Variants in TMEM74B observed in about 807,000 individuals in gnomAD.
TMEM74B encodes the protein transmembrane protein C20orf46.
Under a neutral mutation model 6.5 loss-of-function variants are expected in TMEM74B, and 7 were observed. The observed-to-expected ratio is 1.07, with a 90% CI of 0.61 to 2.01. TMEM74B has a LOEUF of 2.01. Among genes scored for constraint, TMEM74B ranks in the 30% most tolerant of loss-of-function variants. The pLI is 0.00. For synonymous variants in TMEM74B, 151 were observed against 151.6 expected (o/e 1.00, Z 0.03); for missense variants, 342 against 337.0 (o/e 1.01, Z -0.12).
chr20:1,188,690 G>A (rs1197264874), upstream of TMEM74B, among the ~76,000 whole-genome samples: 1 of 151,952 alleles, frequency 6.6e-6, no homozygotes, highest in African/African-American at 2.4e-5. Flanking sequence ...ACAAATGGTG[G>A]GGGTAGGAGC....
At chr20:1,189,005 G>T (rs997982882), upstream of TMEM74B, among the ~76,000 whole-genome samples, 18 of 149,062 alleles carry the variant, frequency 1.2e-4, no homozygotes, top group East Asian at 3.2e-3. This position sits in a 1 kb window ranked among gnomAD's most constrained non-coding sequence, Gnocchi z 4.5. Flanking sequence ...GGGGGCGGGG[G>T]CAGGTGGGAA....
At chr20:1,185,591 G>A (rs941143021), upstream of TMEM74B, among the ~76,000 whole-genome samples, 2 of 151,978 alleles carry the variant, frequency 1.3e-5, no homozygotes, top group African/African-American at 4.8e-5. Context: ...GGGCTGGGGC[G>A]AGGGTGCGGG....
chr20:1,183,282 T>C (rs1161288486), intron 2 of TMEM74B, among the ~76,000 whole-genome samples: 2 of 137,268 alleles, frequency 1.5e-5, no homozygotes, highest in African/African-American at 5.5e-5. Flanking sequence ...TGCACTGTGG[T>C]TCGTTCTCTG....
rs781488286 is a variant in TMEM74B at position 1,180,996 on chromosome 20, C to T, written c.623G>A (p.Arg208Lys). 1.2e-5 allele frequency: 19 copies of T among 1,613,952 alleles called. No homozygotes were observed. The highest frequency in any genetic ancestry group is 3.3e-5 in the Admixed American group (2 of 60,006). ...GGAGCCCTTGCCGGGGACGAAGGTC[C>T]TCCGGCGGTACAGCTCGCCCTTGCA... is the stretch of plus-strand genomic sequence containing the variant. ...SLCKGELYRR[R>K]TFVPGKGSRK... Residue 208 changes from arginine to lysine, a missense_variant, in exon 3 of 3, where the codon AGG becomes AAG. By Grantham distance (26) the Arg-to-Lys change is conservative (BLOSUM62 2). Transcript: ENST00000429036. The surrounding 1 kb of genome is among the most constrained non-coding windows in gnomAD (Gnocchi z 6.1).
chr20:1,182,952 T>C (rs1426438903), intron 2 of TMEM74B, among the ~76,000 whole-genome samples: 1 of 152,246 alleles, frequency 6.6e-6, no homozygotes, highest in African/African-American at 2.4e-5. Flanking sequence ...TCTGGCCACC[T>C]TAGGCCCCCG....
chr20:1,183,310 GTGTGTT>G (rs1490122018), intron 2 of TMEM74B, among the ~76,000 whole-genome samples: 6 of 144,222 alleles, frequency 4.2e-5, no homozygotes, highest in Non-Finnish European at 7.7e-5. Flanking sequence ...GTGTGTGTGT[GTGTGTT>G]TGTGTGTGTG....
In TMEM74B at chr20:1,183,851, A is replaced by C. The variant is rs1177147864; in HGVS notation, c.-50T>G. On this transcript the variant is annotated 5_prime_UTR_variant, in exon 2 of 3. An upstream start codon of the reference 5' UTR is lost. Transcript: ENST00000429036. Reference sequence around the variant, plus strand: ...TGCATCCCTCACTCATAGACTCTTCATTTTATCCAGCTGTTTATCAGCAAC... The same window carrying C: ...TGCATCCCTCACTCATAGACTCTTCCTTTTATCCAGCTGTTTATCAGCAAC... 2.5e-6 allele frequency: 4 copies of C among 1,608,586 alleles called. No individual in the cohort carries two copies. The East Asian group carries it at 9.0e-5, about 36-fold the overall frequency.
At chr20:1,183,551 A>G (rs2086935718) in intron 2 of TMEM74B, among the ~76,000 whole-genome samples, 1 of 151,996 alleles carries the variant, frequency 6.6e-6, no homozygotes, top group South Asian at 2.1e-4. Flanking sequence ...CTCTCTTTCC[A>G]GAGTCTCAAT....
Position 1,181,370 on chromosome 20 carries a change from G to A in TMEM74B, c.249C>T (p.Ser83=). Residue 83 remains serine, a synonymous_variant, in exon 3 of 3, where the codon AGC becomes AGT. Coordinates refer to ENST00000429036, the MANE Select transcript of TMEM74B (RefSeq NM_001304748.2). This position sits in a 1 kb window ranked among gnomAD's most constrained non-coding sequence, Gnocchi z 4.9. ...AGACACCCCCAGGGGGACTGGGTGA[G>A]CTGCCCAGTCTCGTGTTCCCAGGGT... is the stretch of plus-strand genomic sequence containing the variant. ...FQNPGNTRLG[S]SPSPPGGVSS... is the part of the protein sequence containing the mutation. 6.4e-7 allele frequency: 1 copy of A among 1,552,364 alleles called. No individual in the cohort carries two copies. Among genetic ancestry groups the A allele is most frequent in the Non-Finnish European group, 8.7e-7 (1 of 1,147,080 alleles).
chr20:1,183,290 C>CTGTGTGTG (rs142394583), intron 2 of TMEM74B, among the ~76,000 whole-genome samples: 31 of 149,316 alleles, frequency 2.1e-4, no homozygotes, highest in African/African-American at 6.2e-4. Context: ...GGTTCGTTCT[C>CTGTGTGTG]TGTGTGTGTG....
At chr20:1,188,473 A>G (rs886714249), upstream of TMEM74B, among the ~76,000 whole-genome samples, 12 of 149,482 alleles carry the variant, frequency 8.0e-5, no homozygotes, top group African/African-American at 3.0e-4. Context: ...CACACTACAC[A>G]TACACTACAC....
At chr20:1,188,445 T>C (rs1407208155), upstream of TMEM74B, among the ~76,000 whole-genome samples, 1 of 135,958 alleles carries the variant, frequency 7.4e-6, no homozygotes, top group Non-Finnish European at 1.6e-5. Context: ...CACACACACA[T>C]GCCACACACA....
intron 2 of TMEM74B, among the ~76,000 whole-genome samples, chr20:1,182,037 C>T (rs1473204681): frequency 6.6e-6 from 1 of 152,158 alleles, no homozygotes; most frequent in Non-Finnish European, 1.5e-5. Flanking sequence ...TGTGACCTCT[C>T]CAGATTCGGT....
chr20:1,185,387 G>C (rs901062638), upstream of TMEM74B: 2 of 151,380 alleles, frequency 1.3e-5, no homozygotes, highest in Admixed American at 6.6e-5. Flanking sequence ...CGAGGCGCAC[G>C]TACCTACTCG....
In TMEM74B at chr20:1,181,117, G is replaced by T. The variant is rs761291466; in HGVS notation, c.502C>A (p.Arg168Ser). The change falls in exon 3 of 3, where the codon CGC (arginine) becomes AGC (serine). Residue 168 changes from arginine (R) to serine (S), a missense_variant. Arg to Ser is a moderately radical substitution (Grantham distance 110, BLOSUM62 -1). Transcript: ENST00000429036. This position sits in a 1 kb window ranked among gnomAD's most constrained non-coding sequence, Gnocchi z 4.9. ...CACCTGTCCAGGTGGGAGCCTAGGC[G>T]GGCGTAGTACATCTCCAGTCGTTCC... The part of the protein sequence containing the change: ...EMERLEMYYA[R>S]LGSHLDRCII... The T allele has an allele frequency of 1.2e-5, 20 of 1,613,918 alleles. No homozygotes were observed. The Admixed American group carries it at 2.3e-4, about 19-fold the overall frequency.
chr20:1,184,004 T>C lies in TMEM74B; in HGVS notation c.-147-56A>G. Reference sequence around the variant, plus strand: ...GTGTTTGTTGGTTGGCTTTTTACTCTTAGCACCAAAAACATTTTCCTGAGT... The same window carrying C: ...GTGTTTGTTGGTTGGCTTTTTACTCCTAGCACCAAAAACATTTTCCTGAGT... On this transcript the variant is annotated intron_variant, in intron 1 of 2. Transcript: ENST00000429036. The surrounding 1 kb of genome is among the most constrained non-coding windows in gnomAD (Gnocchi z 6.0). The C allele has an allele frequency of 1.8e-6, 1 of 567,494 alleles. No homozygotes were observed. Among genetic ancestry groups the C allele is most frequent in the Non-Finnish European group, 3.1e-6 (1 of 326,148 alleles). The allele number at this position is 567,494 out of a possible 1,614,324, so 35.2% of individuals were successfully genotyped here. A position where few individuals can be genotyped will look rare whatever the true frequency, so the allele number is the denominator to read the frequency against.
Position 1,181,269 on chromosome 20 carries a change from C to T in TMEM74B, c.350G>A (p.Arg117His), listed in dbSNP as rs145635177. 1.5e-4 allele frequency: 234 copies of T among 1,613,786 alleles called. No individual in the cohort carries two copies. Among genetic ancestry groups the T allele is most frequent in the African/African-American group, 9.6e-4 (72 of 75,048 alleles). ...EEGPALEPVS[R>H]PVDYGFVSAL... ...GGAAACAAAGCCATAATCCACCGGGCGGCTCACGGGCTCCAGGGCTGGCCC... is the reference window on the plus strand; with the variant it reads ...GGAAACAAAGCCATAATCCACCGGGTGGCTCACGGGCTCCAGGGCTGGCCC... The change falls in exon 3 of 3, where the codon CGC (arginine) becomes CAC (histidine). Residue 117 changes from arginine to histidine, a missense_variant. Physicochemically the swap from Arg to His is conservative, Grantham distance 29. Coordinates refer to ENST00000429036, the MANE Select transcript of TMEM74B (RefSeq NM_001304748.2). This position sits in a 1 kb window ranked among gnomAD's most constrained non-coding sequence, Gnocchi z 4.9.
upstream of TMEM74B, among the ~76,000 whole-genome samples, chr20:1,187,041 C>G (rs183588267): frequency 6.6e-6 from 1 of 152,304 alleles, no homozygotes; most frequent in East Asian, 1.9e-4. Context: ...ATGCGCTGTC[C>G]TACCTCAGCC....
chr20:1,180,995 C>G lies in TMEM74B; in HGVS notation c.624G>C (p.Arg208Ser), dbSNP rs374907378. 19 of 1,614,054 alleles carry G rather than the reference C, an allele frequency of 1.2e-5. No homozygotes were observed. The highest frequency in any genetic ancestry group is 1.6e-5 in the Non-Finnish European group (19 of 1,180,000). The change falls in exon 3 of 3, where the codon AGG (arginine) becomes AGC (serine). Residue 208 changes from arginine (R) to serine (S), a missense_variant. Coordinates refer to ENST00000429036, the MANE Select transcript of TMEM74B (RefSeq NM_001304748.2). The surrounding 1 kb of genome is among the most constrained non-coding windows in gnomAD (Gnocchi z 6.1). ...TGGAGCCCTTGCCGGGGACGAAGGT[C>G]CTCCGGCGGTACAGCTCGCCCTTGC... The part of the protein sequence containing the change: ...SLCKGELYRR[R>S]TFVPGKGSRK...
Sources: allele counts gnomAD v4.1 joint callset (sites outside exome capture counted in the v4.1 genomes callset), GRCh38; gene constraint gnomAD v4.1.1; non-coding constraint Gnocchi (gnomAD v3.1); transcripts MANE v1.5; gene names NCBI Gene and HGNC (gene_info 2026-07-23, HGNC 2026-07-21).